The following ANO3 variants were observed in gnomAD, a reference collection of about 807,000 sequenced individuals.
ANO3 encodes anoctamin 3.
Under a neutral mutation model 144.8 loss-of-function variants are expected in ANO3, and 99 were observed. The observed-to-expected ratio is 0.68, with a 90% CI of 0.58 to 0.81. The LOEUF is 0.81. Ranked by LOEUF, ANO3 falls within the 30% of genes least tolerant of loss-of-function variation. The pLI, the probability that ANO3 is intolerant of heterozygous loss-of-function variation, is 0.00. For synonymous variants in ANO3, 414 were observed against 392.6 expected, an observed-to-expected ratio of 1.05 and a Z score of -0.64; for missense variants, 905 against 1,202.2, an observed-to-expected ratio of 0.75 and a Z score of 3.66.
At chr11:26,629,830 C>CAT (rs532578483) in intron 18 of ANO3, among the ~76,000 whole-genome samples, 230 of 152,172 alleles carry the variant, frequency 1.5e-3, no homozygotes, top group South Asian at 5.4e-3. Context: ...AGGGTTTCTC[C>CAT]ATGTTAGTCA....
chr11:26,525,020 C>T (rs1849126259), intron 6 of ANO3, among the ~76,000 whole-genome samples: 1 of 152,148 alleles, frequency 6.6e-6, no homozygotes, highest in South Asian at 2.1e-4. Context: ...TCTGGGGCAA[C>T]ATCCCTGTGT....
At chr11:26,480,195 T>C (rs1860155279) in intron 4 of ANO3, among the ~76,000 whole-genome samples, 1 of 152,168 alleles carries the variant, frequency 6.6e-6, no homozygotes, top group Non-Finnish European at 1.5e-5. Flanking sequence ...TCCGTGATAT[T>C]CTTCAAACTT....
intron 1 of ANO3, among the ~76,000 whole-genome samples, chr11:26,341,334 A>G (rs1855353872): frequency 6.6e-6 from 1 of 152,212 alleles, no homozygotes; most frequent in South Asian, 2.1e-4. Context: ...CATTGTAGGA[A>G]AGGCAATGTG....
chr11:26,531,230 A>C lies in ANO3; in HGVS notation c.763A>C (p.Lys255Gln). The C allele has an allele frequency of 6.2e-7, 1 of 1,614,094 alleles. No individual in the cohort carries two copies. ...GRMQTYFRRIKNWMAQNPMVL... is the reference protein window; with the variant it reads ...GRMQTYFRRIQNWMAQNPMVL... ...GATGCAAACTTATTTTAGAAGAATC[A>C]AAAACTGGATGGCCCAAAACCCAAT... The change falls in exon 8 of 27, where the codon AAA (lysine) becomes CAA (glutamine). Residue 255 changes from lysine to glutamine, a missense_variant. Around this residue, in one of 4 missense-constraint regions of ANO3, gnomAD observed 71 missense variants for 57.9 expected, o/e 1.23. Coordinates refer to ENST00000256737, the MANE Select transcript of ANO3 (RefSeq NM_031418.4).
At chr11:26,392,285 T>A (rs1856902928) in intron 1 of ANO3, among the ~76,000 whole-genome samples, 1 of 150,908 alleles carries the variant, frequency 6.6e-6, no homozygotes, top group African/African-American at 2.4e-5. Flanking sequence ...GTGTTGGGCT[T>A]CAGCCAAAAT....
In ANO3 at chr11:26,647,748, C is replaced by T; in HGVS notation, c.2468C>T (p.Ala823Val). The T allele has an allele frequency of 3.7e-6, 6 of 1,612,482 alleles. No individual in the cohort carries two copies. The highest frequency in any genetic ancestry group is 5.1e-6 in the Non-Finnish European group (6 of 1,179,024). The change falls in exon 24 of 27, where the codon GCT (alanine) becomes GTT (valine). Residue 823 changes from alanine to valine, a missense_variant. By Grantham distance (64) the Ala-to-Val change is moderately conservative (BLOSUM62 0). Coordinates refer to ENST00000256737, the MANE Select transcript of ANO3 (RefSeq NM_031418.4). ...LGILEGIGIL[A>V]VITNAFVIAI... ...ATTCTCGAAGGAATCGGTATATTGG[C>T]TGTGATCACCAATGCATTTGTAATT...
At chr11:26,640,930 G>T (rs1402518149) in intron 21 of ANO3, among the ~76,000 whole-genome samples, 1 of 152,086 alleles carries the variant, frequency 6.6e-6, no homozygotes, top group South Asian at 2.1e-4. Flanking sequence ...CCTTCATGAG[G>T]CTCTGGAGGC....
At chr11:26,334,720 G>A (rs1855148936) in intron 1 of ANO3, among the ~76,000 whole-genome samples, 1 of 152,212 alleles carries the variant, frequency 6.6e-6, no homozygotes, top group Non-Finnish European at 1.5e-5. Context: ...AGATAAAGAG[G>A]AGAGCCTTGC....
chr11:26,413,170 T>A (rs1018936875), intron 1 of ANO3, among the ~76,000 whole-genome samples: 1 of 152,016 alleles, frequency 6.6e-6, no homozygotes, highest in Non-Finnish European at 1.5e-5. Context: ...CTTGGCACTA[T>A]GTTGCCCATG....
At chr11:26,451,863 T>A (rs1039437477) in intron 3 of ANO3, among the ~76,000 whole-genome samples, 1 of 152,112 alleles carries the variant, frequency 6.6e-6, no homozygotes, top group Non-Finnish European at 1.5e-5. Context: ...ACACCTCACA[T>A]GGCCGGGTAC....
At chr11:26,529,630 T>C (rs1849314911) in intron 7 of ANO3, among the ~76,000 whole-genome samples, 1 of 149,460 alleles carries the variant, frequency 6.7e-6, no homozygotes. Flanking sequence ...GAAAATATTC[T>C]ATCCTGCTAT....
exon 1 of ANO3, chr11:26,189,129 A>G: frequency 2.2e-6 from 2 of 894,002 alleles, no homozygotes; most frequent in Non-Finnish European, 2.7e-6. Flanking sequence ...ATTTTAAAGA[A>G]TTCAATAGTG....
At chr11:26,457,087 A>AG (rs1859191989) in intron 3 of ANO3, among the ~76,000 whole-genome samples, 1 of 73,552 alleles carries the variant, frequency 1.4e-5, no homozygotes, top group South Asian at 5.6e-4. Flanking sequence ...GGGTGGGGGG[A>AG]GGGGGGAGGG....
Position 26,412,941 on chromosome 11 carries a change from A to AATTC in ANO3, c.47-28976_47-28975insTTCA, listed in dbSNP as rs1234309748. Among the ~76,000 whole-genome samples, 9 of 151,874 alleles carry AATTC rather than the reference A, an allele frequency of 5.9e-5. 1 individual carries two copies. The South Asian group carries it at 1.7e-3, about 28-fold the overall frequency. On this transcript the variant is annotated intron_variant, in intron 1 of 26. Coordinates refer to ENST00000256737, the MANE Select transcript of ANO3 (RefSeq NM_031418.4). ...TCATTTTGCTCCCCATTAATCTCTG[A>AATTC]AGTCATCAGTGTAGCCAGGGAAATC...
chr11:26,383,995 G>T (rs1231085990), intron 1 of ANO3, among the ~76,000 whole-genome samples: 1 of 147,916 alleles, frequency 6.8e-6, no homozygotes, highest in African/African-American at 2.5e-5. Context: ...CTTCTCGGGT[G>T]CAAGTGATTC....
At position 26,660,675 on chromosome 11, in the gene ANO3, G is replaced by C; in HGVS notation, c.*231G>C. On this transcript the variant is annotated 3_prime_UTR_variant, in exon 27 of 27. Coordinates refer to ENST00000256737, the MANE Select transcript of ANO3 (RefSeq NM_031418.4). ...GTTAGATTGACATTGCAGGAAGCCA[G>C]GATGTAATTCTCAGAACCAGTCTCA... The C allele has an allele frequency of 2.2e-6, 1 of 446,966 alleles. No homozygotes were observed. Among genetic ancestry groups the C allele is most frequent in the South Asian group, 3.8e-5 (1 of 26,380 alleles). The allele number at this position is 446,966 out of a possible 1,614,324, so 27.7% of individuals were successfully genotyped here. A position where few individuals can be genotyped will look rare whatever the true frequency, so the allele number is the denominator to read the frequency against.
intron 1 of ANO3, among the ~76,000 whole-genome samples, chr11:26,364,104 C>A (rs983755459): frequency 6.6e-6 from 1 of 152,156 alleles, no homozygotes; most frequent in African/African-American, 2.4e-5. Context: ...CTACAGCATT[C>A]GCAGTTTCTA....
intron 5 of ANO3, among the ~76,000 whole-genome samples, chr11:26,513,090 A>C (rs1199828483): frequency 1.3e-5 from 2 of 152,184 alleles, no homozygotes; most frequent in African/African-American, 4.8e-5. Context: ...GGTATAAGAA[A>C]GATAAGGCAA....
intron 14 of ANO3, among the ~76,000 whole-genome samples, chr11:26,580,153 T>G (rs564427992): frequency 4.1e-5 from 6 of 147,136 alleles, no homozygotes; most frequent in Admixed American, 6.9e-5. Flanking sequence ...TAAAAATATT[T>G]TAATCAACTG....
Sources: allele counts gnomAD v4.1 joint callset (sites outside exome capture counted in the v4.1 genomes callset), GRCh38; gene constraint gnomAD v4.1.1; regional missense constraint gnomAD v4.1.1; transcripts MANE v1.5; gene names NCBI Gene and HGNC (gene_info 2026-07-23, HGNC 2026-07-21).